Variants in TBC1D5 observed in about 807,000 individuals in gnomAD.
TBC1D5 encodes the protein TBC1 domain family, member 5.
In TBC1D5, 75 loss-of-function variants were observed where a neutral mutation model predicts 100.3. The observed-to-expected ratio is 0.75, with a 90% CI of 0.62 to 0.91. The LOEUF (loss-of-function observed/expected upper bound fraction) is 0.91, where lower values mean the gene tolerates loss of function less well. Among genes scored for constraint, TBC1D5 ranks in the 40% least tolerant of loss-of-function variants. The pLI is 0.00. For missense variants in TBC1D5, 910 were observed against 942.4 expected, an observed-to-expected ratio of 0.97 and a Z score of 0.45; for synonymous variants, 323 against 325.6, an observed-to-expected ratio of 0.99 and a Z score of 0.09.
intron 15 of TBC1D5, among the ~76,000 whole-genome samples, chr3:17,276,783 C>T (rs952611973): frequency 1.3e-4 from 20 of 152,160 alleles, no homozygotes; most frequent in Non-Finnish European, 2.4e-4. Context: ...TAAAGGCTCG[C>T]GTGATTAGGT....
At chr3:17,600,923 C>T (rs965677184) in intron 2 of TBC1D5, among the ~76,000 whole-genome samples, 2 of 152,078 alleles carry the variant, frequency 1.3e-5, no homozygotes, top group Non-Finnish European at 2.9e-5. Flanking sequence ...TCCAAGTTAA[C>T]AGAATAAGGA....
intron 1 of TBC1D5, among the ~76,000 whole-genome samples, chr3:17,693,263 C>A (rs1203258471): frequency 6.6e-6 from 1 of 152,306 alleles, no homozygotes; most frequent in South Asian, 2.1e-4. Context: ...GGAAGGCAAG[C>A]TGAAGCAGGG....
At chr3:17,323,865 C>T (rs892192968) in intron 13 of TBC1D5, among the ~76,000 whole-genome samples, 1 of 151,992 alleles carries the variant, frequency 6.6e-6, no homozygotes, top group Admixed American at 6.5e-5. Context: ...TAAAAATACT[C>T]GAAACAATTT....
rs1577902374 is a variant in TBC1D5, at chr3:17,734,508, G to A, written c.-101+4835C>T. On this transcript the variant is annotated intron_variant, in intron 1 of 21. Coordinates refer to ENST00000253692, the Ensembl canonical transcript of TBC1D5. ...AACCAAAAATTGAAAATGAAAGTAC[G>A]AAAACAGTTGAAAAAATAAAATTAA... 3.3e-5 allele frequency among the ~76,000 whole-genome samples: 5 copies of A among 151,960 alleles called. No individual in the cohort carries two copies. The South Asian group carries it at 6.2e-4, about 19-fold the overall frequency.
At chr3:17,491,929 CT>C (rs1359054109) in intron 3 of TBC1D5, among the ~76,000 whole-genome samples, 2 of 152,076 alleles carry the variant, frequency 1.3e-5, no homozygotes, top group Non-Finnish European at 2.9e-5. Flanking sequence ...TGGTCCTGGG[CT>C]TTTTTTGATT....
chr3:17,254,766 T>TGGGGG lies in TBC1D5; in HGVS notation c.1331+3735_1331+3739dup, dbSNP rs139693043. On this transcript the variant is annotated intron_variant, in intron 16 of 21. Coordinates refer to ENST00000253692, the Ensembl canonical transcript of TBC1D5. ...CCCTTTGTCTTTACCGTGGCGGGGGTGGGGGGGGGGTCCCAAGACTACCAA... is the reference window on the plus strand; with the variant it reads ...CCCTTTGTCTTTACCGTGGCGGGGGTGGGGGGGGGGGGGGGTCCCAAGACTACCAA... Among the ~76,000 whole-genome samples the TGGGGG allele has an allele frequency of 1.8e-3, 130 of 73,218 alleles. 1 individual carries two copies. The highest frequency in any genetic ancestry group is 5.9e-3 in the African/African-American group (105 of 17,912). 48.0% of individuals were successfully genotyped at this position (73,218 alleles called of 152,430 possible). A position where few individuals can be genotyped will look rare whatever the true frequency, so the allele number is the denominator to read the frequency against.
chr3:17,200,386 G>C (rs967621115), intron 18 of TBC1D5, among the ~76,000 whole-genome samples: 1 of 152,192 alleles, frequency 6.6e-6, no homozygotes, highest in African/African-American at 2.4e-5. Flanking sequence ...ATTACCACCT[G>C]AGTCCCACCT....
intron 1 of TBC1D5, among the ~76,000 whole-genome samples, chr3:17,639,474 A>T (rs1031761483): frequency 6.6e-6 from 1 of 152,058 alleles, no homozygotes; most frequent in Non-Finnish European, 1.5e-5. Flanking sequence ...GTTAAAAAAA[A>T]AAAAAACTAT....
chr3:17,378,178 T>C (rs980969590), intron 9 of TBC1D5, among the ~76,000 whole-genome samples: 9 of 151,742 alleles, frequency 5.9e-5, no homozygotes, highest in Admixed American at 4.6e-4. Context: ...AGTTAAGAAA[T>C]AAATTTAAAA....
At chr3:17,701,547 A>T (rs1405347847) in intron 1 of TBC1D5, among the ~76,000 whole-genome samples, 1 of 152,154 alleles carries the variant, frequency 6.6e-6, no homozygotes, top group African/African-American at 2.4e-5. Context: ...AGTTGGGAAG[A>T]TCGCTTGAGC....
At chr3:17,345,905 TC>T (rs2089791877) in intron 13 of TBC1D5, among the ~76,000 whole-genome samples, 1 of 151,146 alleles carries the variant, frequency 6.6e-6, no homozygotes, top group Non-Finnish European at 1.5e-5. Flanking sequence ...AACATCACAC[TC>T]TGGGGACTGT....
In TBC1D5 at chr3:17,350,562, G is replaced by A. The variant is rs542250785; in HGVS notation, c.995+21513C>T. Reference sequence around the variant, plus strand: ...TCCTTTTTTACAATCATGTGCTAACGTTGCTCAGTAATGGCCTATGGATGA... The same window carrying A: ...TCCTTTTTTACAATCATGTGCTAACATTGCTCAGTAATGGCCTATGGATGA... On this transcript the variant is annotated intron_variant, in intron 13 of 21. Coordinates refer to ENST00000253692, the Ensembl canonical transcript of TBC1D5. Among the ~76,000 whole-genome samples, 12 of 152,166 alleles carry A rather than the reference G, an allele frequency of 7.9e-5. No individual in the cohort carries two copies. In the South Asian group the frequency reaches 2.3e-3, roughly 29 times the overall value.
rs541628920 is a variant in TBC1D5 at position 17,706,181 on chromosome 3, G to C, written c.-101+33162C>G. The stretch of plus-strand genomic sequence containing the variant: ...GGGAGACATCGGCAGGCAGCCGCTC[G>C]AAGGGCCTCTTCTCCGGCATCGCGG... On this transcript the variant is annotated intron_variant, in intron 1 of 21. Coordinates refer to ENST00000253692, the Ensembl canonical transcript of TBC1D5. 1,061 of 1,561,566 alleles carry C rather than the reference G, an allele frequency of 6.8e-4. 7 individuals carry two copies. The African/African-American group carries it at 0.012, about 18-fold the overall frequency.
chr3:17,488,978 T>C (rs1456626323), intron 3 of TBC1D5, among the ~76,000 whole-genome samples: 1 of 150,756 alleles, frequency 6.6e-6, no homozygotes, highest in African/African-American at 2.4e-5. Flanking sequence ...TGATCTGATG[T>C]GGAACAGTTT....
At chr3:17,299,215 T>A (rs1428610857) in intron 14 of TBC1D5, among the ~76,000 whole-genome samples, 1 of 152,104 alleles carries the variant, frequency 6.6e-6, no homozygotes, top group Non-Finnish European at 1.5e-5. Flanking sequence ...GCAGGCAGCT[T>A]ATGTGGTGTG....
chr3:17,207,485 A>C (rs2072364057), intron 18 of TBC1D5, among the ~76,000 whole-genome samples: 1 of 152,218 alleles, frequency 6.6e-6, no homozygotes. Context: ...TTCACATTTC[A>C]GTAAAGAAGT....
chr3:17,261,053 C>A (rs1295455107), intron 15 of TBC1D5, among the ~76,000 whole-genome samples: 2 of 152,136 alleles, frequency 1.3e-5, no homozygotes, highest in Admixed American at 6.5e-5. Flanking sequence ...ATCTGAAACA[C>A]CCGTACACCA....
At chr3:17,462,199 A>C (rs2095224315) in intron 3 of TBC1D5, among the ~76,000 whole-genome samples, 1 of 151,718 alleles carries the variant, frequency 6.6e-6, no homozygotes, top group Non-Finnish European at 1.5e-5. Context: ...TTGACTGTTT[A>C]TTCATTGTTA....
At chr3:17,716,234 A>G (rs1577739023) in intron 1 of TBC1D5, among the ~76,000 whole-genome samples, 2 of 152,036 alleles carry the variant, frequency 1.3e-5, no homozygotes, top group African/African-American at 4.8e-5. Flanking sequence ...GAGGTCTACT[A>G]CCTCCACTAC....
Sources: allele counts gnomAD v4.1 joint callset (sites outside exome capture counted in the v4.1 genomes callset), GRCh38; gene constraint gnomAD v4.1.1; transcripts MANE v1.5; gene names NCBI Gene and HGNC (gene_info 2026-07-23, HGNC 2026-07-21).